The following RUFY1 variants were observed in gnomAD, a reference collection of about 807,000 sequenced individuals.
The protein encoded by RUFY1 is RUN and FYVE domain-containing protein 1.
RUFY1 carries 54 observed loss-of-function variants against 94.6 expected under a neutral mutation model. The observed-to-expected ratio is 0.57, with a 90% CI of 0.46 to 0.72. The LOEUF (loss-of-function observed/expected upper bound fraction) is 0.72. Ranked by LOEUF, RUFY1 falls within the 30% of genes least tolerant of loss-of-function variation. The probability of loss-of-function intolerance (pLI) is 0.00; values close to 1 mark genes in which losing one functional copy is unlikely to be tolerated. For missense variants in RUFY1, 883 were observed against 883.9 expected, an observed-to-expected ratio of 1.00 and a Z score of 0.01; for synonymous variants, 396 against 347.3, an observed-to-expected ratio of 1.14 and a Z score of -1.56.
chr5:179,563,244 A>T (rs1453710361), intron 3 of RUFY1, among the ~76,000 whole-genome samples: 1 of 152,168 alleles, frequency 6.6e-6, no homozygotes, highest in Non-Finnish European at 1.5e-5. Flanking sequence ...TTGAGCGTTT[A>T]TTTGACCCTT....
intron 7 of RUFY1, 41 bp downstream of exon 7, chr5:179,581,053 G>C: frequency 8.0e-7 from 1 of 1,245,108 alleles, no homozygotes; most frequent in Admixed American, 2.0e-5. Flanking sequence ...TTACATACTC[G>C]GTATCCTGTC....
rs1051649656 is a variant in RUFY1 at position 179,580,505 on chromosome 5, G to A, written c.891-442G>A. ...GATCTGCCCACCTTGGCCTTCAAAA[G>A]TGCTGGGATTACAGGCGTGAGCCAC... is the stretch of plus-strand genomic sequence containing the variant. On this transcript the variant is annotated intron_variant, in intron 6 of 17. Coordinates refer to ENST00000319449, the MANE Select transcript of RUFY1 (RefSeq NM_025158.5). Among the ~76,000 whole-genome samples, 3 of 151,518 alleles carry A rather than the reference G, an allele frequency of 2.0e-5. 1 individual carries two copies. Among genetic ancestry groups the A allele is most frequent in the African/African-American group, 7.3e-5 (3 of 41,272 alleles).
In RUFY1 at chr5:179,599,161, G is replaced by A. The variant is rs1303625535; in HGVS notation, c.1761+340G>A. The A allele has an allele frequency of 2.6e-5, 6 of 230,836 alleles. No individual in the cohort carries two copies. In the South Asian group the frequency reaches 4.9e-4, roughly 19 times the overall value. The allele number at this position is 230,836 out of a possible 1,614,324, so 14.3% of individuals were successfully genotyped here. On this transcript the variant is annotated intron_variant, in intron 14 of 17. Coordinates refer to ENST00000319449, the MANE Select transcript of RUFY1 (RefSeq NM_025158.5). ...AGCACCTCTTGGGTGGAGACTGCAG[G>A]AGCAGACAGCAGTGTGAGGAGCAAA...
At chr5:179,567,958 G>T (rs1762956841) in intron 4 of RUFY1, among the ~76,000 whole-genome samples, 1 of 149,550 alleles carries the variant, frequency 6.7e-6, no homozygotes, top group Admixed American at 6.7e-5. Context: ...TAAAATAAGT[G>T]TATCAGCCAG....
At chr5:179,552,085 A>G (rs925715377) in intron 1 of RUFY1, among the ~76,000 whole-genome samples, 2 of 140,572 alleles carry the variant, frequency 1.4e-5, no homozygotes, top group African/African-American at 5.3e-5. Context: ...GAATCGCTTG[A>G]ACCTGGGAGG....
At position 179,550,596 on chromosome 5, in the gene RUFY1, T is replaced by TGCTGG. The variant is rs1018055279; in HGVS notation, c.30_34dup (p.Arg12LeufsTer58). The TGCTGG allele has an allele frequency of 8.0e-7, 1 of 1,243,244 alleles. No homozygotes were observed. The highest frequency in any genetic ancestry group is 1.0e-6 in the Non-Finnish European group (1 of 1,003,586). 77.0% of individuals were successfully genotyped at this position (1,243,244 alleles called of 1,614,324 possible). ...TGGCCGACCGGGAAGGCGGCTGCGC[T>TGCTGG]GCTGGGCGGGGGCGGGAGCTGGAGC... On this transcript the variant is annotated frameshift_variant, in exon 1 of 18. Coordinates refer to ENST00000319449, the MANE Select transcript of RUFY1 (RefSeq NM_025158.5). LOFTEE classifies it high-confidence loss of function.
intron 8 of RUFY1, among the ~76,000 whole-genome samples, chr5:179,589,126 T>C (rs1764840447): frequency 6.6e-6 from 1 of 152,224 alleles, no homozygotes; most frequent in South Asian, 2.1e-4. Context: ...TAGTATTATA[T>C]CTTAAGTATG....
intron 16 of RUFY1, 173 bp downstream of exon 16, chr5:179,606,097 G>A (rs1032782803): frequency 5.0e-5 from 30 of 600,640 alleles, no homozygotes; most frequent in Admixed American, 2.1e-4. Context: ...GGCTGAGGGC[G>A]ATGCTGACAG....
At position 179,591,510 on chromosome 5, in the gene RUFY1, TA is replaced by T. The variant is rs546955738; in HGVS notation, c.1129-109del. The T allele has an allele frequency of 8.7e-5, 64 of 738,586 alleles. No homozygotes were observed. The South Asian group carries it at 9.8e-4, about 11-fold the overall frequency. 45.8% of individuals were successfully genotyped at this position (738,586 alleles called of 1,614,324 possible). On this transcript the variant is annotated intron_variant, in intron 9 of 17. Transcript: ENST00000319449. ...AGTTTTAACCTTTTTCTACCATGCTTAAAAAATAAAAATTACCTTACATTTT... is the reference window on the plus strand; with the variant it reads ...AGTTTTAACCTTTTTCTACCATGCTTAAAAATAAAAATTACCTTACATTTT...
Position 179,562,621 on chromosome 5 carries a change from G to A in RUFY1, c.559G>A (p.Ala187Thr). ...GCTGGTGGAGAAACTTTGTCCAGAA[G>A]CATCAGATATAGCGACTAGTGTCAG... ...LELVEKLCPE[A>T]SDIATSVRNL... The change falls in exon 3 of 18, where the codon GCA (alanine) becomes ACA (threonine). Residue 187 changes from alanine (A) to threonine (T), a missense_variant. Ala to Thr is a moderately conservative substitution (Grantham distance 58, BLOSUM62 0). Coordinates refer to ENST00000319449, the MANE Select transcript of RUFY1 (RefSeq NM_025158.5). 6.2e-7 allele frequency: 1 copy of A among 1,609,558 alleles called. No homozygotes were observed. Among genetic ancestry groups the A allele is most frequent in the Non-Finnish European group, 8.5e-7 (1 of 1,175,858 alleles).
chr5:179,561,678 C>CTTTTT (rs71001004), intron 2 of RUFY1, among the ~76,000 whole-genome samples: 913 of 64,664 alleles, frequency 0.014, 8 homozygotes, highest in South Asian at 0.019. Flanking sequence ...TTTTTTCTTT[C>CTTTTT]TTTTTTTTTT....
In RUFY1 at chr5:179,598,903, C is replaced by T. The variant is rs756946955; in HGVS notation, c.1761+82C>T. ...CATGCTCCGGGCAGGCTCCTCTCCCCGCACCCTTTGTGTGGGGGCCAGGCG... is the reference window on the plus strand; with the variant it reads ...CATGCTCCGGGCAGGCTCCTCTCCCTGCACCCTTTGTGTGGGGGCCAGGCG... On this transcript the variant is annotated intron_variant, in intron 14 of 17. Transcript: ENST00000319449. 52 of 1,533,138 alleles carry T rather than the reference C, an allele frequency of 3.4e-5. No individual in the cohort carries two copies. In the East Asian group the frequency reaches 7.9e-4, roughly 23 times the overall value. 95.0% of individuals were successfully genotyped at this position (1,533,138 alleles called of 1,614,324 possible).
chr5:179,599,721 G>C (rs1379312035), intron 14 of RUFY1: 1 of 152,540 alleles, frequency 6.6e-6, no homozygotes, highest in Non-Finnish European at 1.5e-5. Flanking sequence ...GGGCGCTCTG[G>C]GGGGCTCCTC....
At chr5:179,556,441 A>G (rs1482359435) in intron 1 of RUFY1, among the ~76,000 whole-genome samples, 4 of 152,076 alleles carry the variant, frequency 2.6e-5, no homozygotes, top group African/African-American at 9.7e-5. Context: ...TAGTAATGCT[A>G]CATTGGTAAC....
At chr5:179,570,423 G>C (rs2127525767) in intron 5 of RUFY1, among the ~76,000 whole-genome samples, 1 of 152,334 alleles carries the variant, frequency 6.6e-6, no homozygotes, top group Non-Finnish European at 1.5e-5. Flanking sequence ...AAGTCAGGTT[G>C]ATAAAATGGC....
At chr5:179,559,611 T>G in intron 1 of RUFY1, 1 of 957,502 alleles carries the variant, frequency 1.0e-6, no homozygotes, top group Non-Finnish European at 1.2e-6. Context: ...AATAGGAATG[T>G]TTGGGGGCGG....
At chr5:179,596,475 A>G (rs1765650503) in intron 12 of RUFY1, 87 bp from the exon 13 acceptor site, 4 of 1,528,552 alleles carry the variant, frequency 2.6e-6, no homozygotes, top group Non-Finnish European at 1.8e-6. Context: ...CTGTATGGTA[A>G]TTTTAAAAAT....
At chr5:179,606,405 G>A (rs1767088139) in intron 16 of RUFY1, 1 of 164,484 alleles carries the variant, frequency 6.1e-6, no homozygotes. Context: ...CCGAAAAGCA[G>A]GAGTTTGCAG....
At chr5:179,563,672 T>G (rs936849551) in intron 3 of RUFY1, among the ~76,000 whole-genome samples, 7 of 152,358 alleles carry the variant, frequency 4.6e-5, no homozygotes, top group African/African-American at 1.7e-4. Context: ...AAATGTTTAT[T>G]TCATGACCTT....
Sources: gnomAD v4.1 joint callset for allele counts (sites outside exome capture counted in the v4.1 genomes callset) on GRCh38, gnomAD v4.1.1 for gene constraint, MANE v1.5 for transcripts, NCBI Gene and HGNC (gene_info 2026-07-23, HGNC 2026-07-21) for gene names.